KIF1C: variants seen among roughly 807,000 people sequenced by gnomAD.
KIF1C encodes the protein kinesin-like protein KIF1C.
Under a neutral mutation model 126.5 loss-of-function variants are expected in KIF1C, and 61 were observed. The ratio of observed to expected loss-of-function variants is 0.48; its 90% CI spans 0.39 to 0.60. KIF1C has a LOEUF of 0.60. Ranked by LOEUF, KIF1C falls within the 20% of genes least tolerant of loss-of-function variation. KIF1C has a pLI of 0.00. For synonymous variants in KIF1C, 640 were observed against 580.6 expected, an observed-to-expected ratio of 1.10 and a Z score of -1.47; for missense variants, 1,315 against 1,489.2, an observed-to-expected ratio of 0.88 and a Z score of 1.93.
chr17:5,010,411 G>A (rs188009763), intron 16 of KIF1C, among the ~76,000 whole-genome samples: 30 of 152,290 alleles, frequency 2.0e-4, no homozygotes, highest in African/African-American at 6.7e-4. Context: ...CTGTAGAGCA[G>A]ATTCCTAGAA....
intron 17 of KIF1C, 139 bp from the exon 18 acceptor site, chr17:5,014,604 C>A: frequency 1.5e-6 from 1 of 675,866 alleles, no homozygotes. Context: ...CAAGCCATTT[C>A]ACCTCCCTGA....
chr17:5,022,557 C>T lies in KIF1C; in HGVS notation c.2476C>T (p.Arg826Ter), dbSNP rs1425712894. 6.3e-7 allele frequency: 1 copy of T among 1,591,056 alleles called. No homozygotes were observed. The highest frequency in any genetic ancestry group is 8.6e-7 in the Non-Finnish European group (1 of 1,168,418). The change falls in exon 22 of 23, where the codon CGA becomes TGA. Residue 826 changes from arginine (R) to a stop codon, truncating the protein, a stop_gained. Transcript: ENST00000320785. LOFTEE classifies it high-confidence loss of function. This position sits in a 1 kb window ranked among gnomAD's most constrained non-coding sequence, Gnocchi z 4.9. ...GSGGGSEEGARGAEVEDLRAH... is the reference protein window; with the variant it reads ...GSGGGSEEGA ...TGGTGGTGGCAGTGAGGAGGGAGCC[C>T]GAGGGGCGGAGGTGGAGGACCTCCG...
chr17:5,008,532 C>T (rs28580865), intron 16 of KIF1C, among the ~76,000 whole-genome samples: 21,491 of 152,188 alleles, frequency 0.14, 1,638 homozygotes, highest in East Asian at 0.25. Context: ...CTGGGGGCTG[C>T]CTGGAAGAGG....
At chr17:5,009,812 C>G (rs1024247819) in intron 16 of KIF1C, among the ~76,000 whole-genome samples, 8 of 151,130 alleles carry the variant, frequency 5.3e-5, no homozygotes, top group Non-Finnish European at 8.8e-5. Flanking sequence ...AAAAAATGTT[C>G]TCCTAGAGAT....
chr17:4,998,386 A>T (rs1278130353), intron 1 of KIF1C, among the ~76,000 whole-genome samples: 1 of 152,160 alleles, frequency 6.6e-6, no homozygotes, highest in East Asian at 1.9e-4. Flanking sequence ...CCTGTGTGAG[A>T]ACCGCCGGGT....
In KIF1C at chr17:5,003,708, G is replaced by T. The variant is rs1386448733; in HGVS notation, c.798+19G>T. 1 of 1,606,360 alleles carries T rather than the reference G, an allele frequency of 6.2e-7. No homozygotes were observed. The highest frequency in any genetic ancestry group is 1.1e-5 in the South Asian group (1 of 90,808). On this transcript the variant is annotated intron_variant, in intron 9 of 22. Transcript: ENST00000320785. ...CCTGAAGGTGAGGGGCCTTCAGAGG[G>T]TGGTTTGTTGTGGGGCAGTGTTGTG...
At chr17:5,021,950 G>T in intron 21 of KIF1C, 142 bp from the exon 22 acceptor site, 1 of 861,694 alleles carries the variant, frequency 1.2e-6, no homozygotes, top group Non-Finnish European at 1.8e-6. Context: ...TCTGCCCAAG[G>T]GTGCGCTGTT....
At chr17:5,013,344 G>A (rs1974906575) in intron 16 of KIF1C, among the ~76,000 whole-genome samples, 1 of 152,294 alleles carries the variant, frequency 6.6e-6, no homozygotes, top group Admixed American at 6.5e-5. Context: ...GAAGAGACAG[G>A]CCTTGGGAAG....
In KIF1C at chr17:4,997,987, C is replaced by G. The variant is rs979010082; in HGVS notation, c.-318C>G. 2.0e-5 allele frequency: 3 copies of G among 146,534 alleles called. No individual in the cohort carries two copies. The highest frequency in any genetic ancestry group is 4.5e-5 in the Non-Finnish European group (3 of 66,082). The allele number at this position is 146,534 out of a possible 1,614,324, so 9.1% of individuals were successfully genotyped here. Reference sequence around the variant, plus strand: ...CCGGGCGGGCGCCGGCCGCTGGCGCCGCTACTGCTGCCGCCCCCGGGGCGC... The same window carrying G: ...CCGGGCGGGCGCCGGCCGCTGGCGCGGCTACTGCTGCCGCCCCCGGGGCGC... On this transcript the variant is annotated 5_prime_UTR_variant, in exon 1 of 23. Coordinates refer to ENST00000320785, the MANE Select transcript of KIF1C (RefSeq NM_006612.6).
chr17:5,028,322 G>C lies in KIF1C; in HGVS notation c.*4171G>C, dbSNP rs568385094. 1 of 152,018 alleles carries C rather than the reference G, an allele frequency of 6.6e-6. No homozygotes were observed. Among genetic ancestry groups the C allele is most frequent in the Non-Finnish European group, 1.5e-5 (1 of 68,000 alleles). 9.4% of individuals were successfully genotyped at this position (152,018 alleles called of 1,614,324 possible). A position where few individuals can be genotyped will look rare whatever the true frequency, so the allele number is the denominator to read the frequency against. On this transcript the variant is annotated 3_prime_UTR_variant, in exon 23 of 23. Coordinates refer to ENST00000320785, the MANE Select transcript of KIF1C (RefSeq NM_006612.6). ...TCTCACACCATACCGACATATGTTG[G>C]TTATTCTTTTAGACATGTTTTTTGT...
intron 11 of KIF1C, 149 bp from the exon 12 acceptor site, chr17:5,004,418 A>G: frequency 1.4e-6 from 1 of 723,122 alleles, no homozygotes; most frequent in Non-Finnish European, 2.4e-6. Context: ...ACCAGATGTC[A>G]TGGTTAGCTC....
chr17:5,012,166 G>C (rs1974880948), intron 16 of KIF1C: 1 of 152,228 alleles, frequency 6.6e-6, no homozygotes, highest in Non-Finnish European at 1.5e-5. Context: ...TGACTGACTG[G>C]ACAGCAGTGC....
rs553779877 is a variant in KIF1C, at chr17:5,023,716, C to T, written c.2877C>T (p.Gly959=). ...LQGLQGSGGR[G]GGLRRPPARF... ...GACTGCAGGGCTCTGGGGGCCGGGG[C>T]GGGGGGCTGCGCAGGCCCCCAGCCC... The change falls in exon 23 of 23, where the codon GGC becomes GGT. Residue 959 remains glycine (G), a synonymous_variant. Transcript: ENST00000320785. The surrounding 1 kb of genome is among the most constrained non-coding windows in gnomAD (Gnocchi z 4.2). 4.5e-6 allele frequency: 7 copies of T among 1,548,802 alleles called. No individual in the cohort carries two copies. The highest frequency in any genetic ancestry group is 2.0e-5 in the Admixed American group (1 of 49,396).
Position 4,999,889 on chromosome 17 carries a change from G to C in KIF1C, c.-109G>C. 1 of 255,136 alleles carries C rather than the reference G, an allele frequency of 3.9e-6. No homozygotes were observed. The highest frequency in any genetic ancestry group is 7.7e-6 in the Non-Finnish European group (1 of 130,184). 15.8% of individuals were successfully genotyped at this position (255,136 alleles called of 1,614,324 possible). The stretch of plus-strand genomic sequence containing the variant: ...CCCCAGCTGGTGTGGCCAGGCCCCA[G>C]GAGTAGGATGGGGCTCCCCCTACGA... On this transcript the variant is annotated 5_prime_UTR_variant, in exon 2 of 23. Transcript: ENST00000320785.
At chr17:5,010,689 G>A (rs569511062) in intron 16 of KIF1C, among the ~76,000 whole-genome samples, 31 of 151,418 alleles carry the variant, frequency 2.0e-4, no homozygotes, top group African/African-American at 7.0e-4. Context: ...GGAGCTTGCA[G>A]TGAGCCGAGA....
In KIF1C at chr17:5,004,037, G is replaced by C; in HGVS notation, c.904G>C (p.Asp302His). 6.2e-7 allele frequency: 1 copy of C among 1,613,972 alleles called. No homozygotes were observed. Among genetic ancestry groups the C allele is most frequent in the South Asian group, 1.1e-5 (1 of 91,072 alleles). ...AAAGTCGGATTTTATCCCCTACAGG[G>C]ACTCTGTGCTCACCTGGCTGCTCAA... ...KRKSDFIPYR[D>H]SVLTWLLKEN... The change falls in exon 11 of 23, where the codon GAC (aspartate) becomes CAC (histidine). Residue 302 changes from aspartate to histidine, a missense_variant. Transcript: ENST00000320785.
rs1194177617 is a variant in KIF1C, at chr17:5,024,442, G to GGCTGGGGT, written c.*296_*303dup. 9.6e-5 allele frequency: 36 copies of GGCTGGGGT among 376,952 alleles called. No homozygotes were observed. The highest frequency in any genetic ancestry group is 1.5e-4 in the Non-Finnish European group (31 of 209,758). 23.4% of individuals were successfully genotyped at this position (376,952 alleles called of 1,614,324 possible). A position where few individuals can be genotyped will look rare whatever the true frequency, so the allele number is the denominator to read the frequency against. The stretch of plus-strand genomic sequence containing the variant: ...AAACGCTGCTATGGGTGGGGTGGGG[G>GGCTGGGGT]GCTGGGGTGCTGCGTAGCCAGTGTT... On this transcript the variant is annotated 3_prime_UTR_variant, in exon 23 of 23. Coordinates refer to ENST00000320785, the MANE Select transcript of KIF1C (RefSeq NM_006612.6).
chr17:4,999,178 C>T (rs76101349), intron 1 of KIF1C: 9,928 of 152,516 alleles, frequency 0.065, 440 homozygotes, highest in Middle Eastern at 0.095. Flanking sequence ...GGCTTAGAGC[C>T]CACACAGCTG....
At chr17:5,012,276 T>C (rs964758844) in intron 16 of KIF1C, among the ~76,000 whole-genome samples, 2 of 151,974 alleles carry the variant, frequency 1.3e-5, no homozygotes, top group African/African-American at 4.8e-5. Flanking sequence ...GGTCTTGTGT[T>C]CTGATGGAAG....
Sources: gnomAD v4.1 joint callset for allele counts (sites outside exome capture counted in the v4.1 genomes callset) on GRCh38, gnomAD v4.1.1 for gene constraint, Gnocchi (gnomAD v3.1) non-coding constraint, MANE v1.5 for transcripts, NCBI Gene and HGNC (gene_info 2026-07-23, HGNC 2026-07-21) for gene names.